Variants in ADCY6 observed in about 807,000 individuals in gnomAD.
The protein encoded by ADCY6 is adenylate cyclase type 6.
ADCY6 carries 59 observed loss-of-function variants against 111.6 expected under a neutral mutation model. The observed-to-expected ratio is 0.53, with a 90% CI of 0.43 to 0.66. The LOEUF (loss-of-function observed/expected upper bound fraction) is 0.66. Among genes scored for constraint, ADCY6 ranks in the 30% least tolerant of loss-of-function variants. ADCY6 has a pLI of 0.00. For missense variants in ADCY6, 1,242 were observed against 1,595.6 expected (o/e 0.78, Z 3.78); for synonymous variants, 576 against 642.9 (o/e 0.90, Z 1.57).
chr12:48,783,181 C>T lies in ADCY6; in HGVS notation c.254G>A (p.Arg85Gln). The change falls in exon 2 of 22, where the codon CGG becomes CAG. Residue 85 changes from arginine (R) to glutamine (Q), a missense_variant. This residue lies in a region of ADCY6 where 362 missense variants were observed against 377.2 expected (regional missense o/e 0.96). Coordinates refer to ENST00000357869, the MANE Select transcript of ADCY6 (RefSeq NM_015270.5). ...ATCCTCGAAGCCCAGGGCCACTGCC[C>T]GCAGCCCCAGCTCCTTGCCCTTGCC... ...GPGKGKELGL[R>Q]AVALGFEDTE... 2 of 1,606,884 alleles carry T rather than the reference C, an allele frequency of 1.2e-6. No individual in the cohort carries two copies. Among genetic ancestry groups the T allele is most frequent in the South Asian group, 2.2e-5 (2 of 91,060 alleles).
chr12:48,768,868 A>G, intron 21 of ADCY6, 69 bp downstream of exon 21: 1 of 1,558,058 alleles, frequency 6.4e-7, no homozygotes, highest in East Asian at 2.3e-5. Flanking sequence ...GTCCTAGCAG[A>G]CTGCAGAGAC....
chr12:48,782,688 G>C lies in ADCY6; in HGVS notation c.747C>G (p.Ala249=). The change falls in exon 2 of 22, where the codon GCC becomes GCG. Residue 249 remains alanine (A), a synonymous_variant. Coordinates refer to ENST00000357869, the MANE Select transcript of ADCY6 (RefSeq NM_015270.5). This position sits in a 1 kb window ranked among gnomAD's most constrained non-coding sequence, Gnocchi z 4.3. ...LWCPVFFVYI[A]YTLLPIRMRA... ...GCATGCGGATGGGGAGGAGCGTGTA[G>C]GCGATGTAGACAAAGAACACAGGGC... 1 of 1,592,570 alleles carries C rather than the reference G, an allele frequency of 6.3e-7. No individual in the cohort carries two copies. Among genetic ancestry groups the C allele is most frequent in the Non-Finnish European group, 8.6e-7 (1 of 1,168,640 alleles).
intron 1 of ADCY6, chr12:48,784,081 C>CAAA: frequency 7.4e-6 from 1 of 135,640 alleles, no homozygotes; most frequent in Non-Finnish European, 1.6e-5. Flanking sequence ...GACTCCGTCT[C>CAAA]AAAAAAAAAA....
intron 1 of ADCY6, among the ~76,000 whole-genome samples, chr12:48,784,674 T>G (rs1006926497): frequency 6.5e-5 from 9 of 138,094 alleles, no homozygotes; most frequent in Non-Finnish European, 1.3e-4. Context: ...AGTTTTTTTT[T>G]TTTTTTTTTT....
Position 48,777,540 on chromosome 12 carries a change from G to C in ADCY6, c.1137-19C>G, listed in dbSNP as rs771001791. 6.2e-7 allele frequency: 1 copy of C among 1,614,124 alleles called. No homozygotes were observed. Among genetic ancestry groups the C allele is most frequent in the South Asian group, 1.1e-5 (1 of 91,082 alleles). The stretch of plus-strand genomic sequence containing the variant: ...CAGGATGCTGTAGATGACAGCAGAG[G>C]ATGAACAGAACACATAGCCCTCAAA... On this transcript the variant is annotated intron_variant, in intron 4 of 21. Transcript: ENST00000357869. The surrounding 1 kb of genome is among the most constrained non-coding windows in gnomAD (Gnocchi z 4.9).
chr12:48,772,250 C>G, intron 18 of ADCY6, 45 bp downstream of exon 18: 2 of 1,572,384 alleles, frequency 1.3e-6, no homozygotes, highest in South Asian at 2.4e-5. Context: ...GGCCCAGGCT[C>G]CGCCCCTAGG....
At chr12:48,770,648 G>A in intron 20 of ADCY6, 118 bp downstream of exon 20, 1 of 1,004,344 alleles carries the variant, frequency 1.0e-6, no homozygotes, top group South Asian at 1.5e-5. Flanking sequence ...GAGGTCAGAG[G>A]GAAGAAAACC....
intron 9 of ADCY6, 42 bp from the exon 10 acceptor site, chr12:48,775,740 C>T: frequency 6.2e-7 from 1 of 1,600,354 alleles, no homozygotes; most frequent in East Asian, 2.2e-5. Context: ...GAAGGGCCAA[C>T]AACCTTCATC....
chr12:48,773,359 GTGTTGTGGC>G, intron 16 of ADCY6, 101 bp downstream of exon 16: 2 of 1,233,150 alleles, frequency 1.6e-6, no homozygotes, highest in Non-Finnish European at 2.3e-6. Flanking sequence ...CCCCACAGGG[GTGTTGTGGC>G]ATTCCAAGGC....
rs1220166804 is a variant in ADCY6 at position 48,786,653 on chromosome 12, ATGCC to A, written c.-5+2249_-5+2252del. Among the ~76,000 whole-genome samples, 5 of 152,210 alleles carry A rather than the reference ATGCC, an allele frequency of 3.3e-5. No homozygotes were observed. The South Asian group carries it at 8.3e-4, about 25-fold the overall frequency. On this transcript the variant is annotated intron_variant, in intron 1 of 21. Coordinates refer to ENST00000357869, the MANE Select transcript of ADCY6 (RefSeq NM_015270.5). Reference sequence around the variant, plus strand: ...GCTGGGAGTATAGGCATGAGCCACCATGCCTGGCCCCTTCAACCTCTTAACATCA... The same window carrying A: ...GCTGGGAGTATAGGCATGAGCCACCATGGCCCCTTCAACCTCTTAACATCA...
intron 1 of ADCY6, among the ~76,000 whole-genome samples, chr12:48,786,723 C>G (rs1941985285): frequency 1.3e-5 from 2 of 152,174 alleles, no homozygotes; most frequent in Admixed American, 6.5e-5. Context: ...GAATACAAGA[C>G]TTTTGGTCAG....
intron 16 of ADCY6, among the ~76,000 whole-genome samples, chr12:48,773,213 G>C (rs943446224): frequency 2.6e-5 from 4 of 152,178 alleles, no homozygotes; most frequent in Non-Finnish European, 5.9e-5. Context: ...GGATGTGAAA[G>C]CACCATGCAA....
intron 16 of ADCY6, 58 bp from the exon 17 acceptor site, chr12:48,772,601 A>T: frequency 6.3e-7 from 1 of 1,599,356 alleles, no homozygotes; most frequent in Non-Finnish European, 8.6e-7. Flanking sequence ...CTGGGTGGGC[A>T]CATGGAAGGG....
At position 48,773,450 on chromosome 12, in the gene ADCY6, G is replaced by A. The variant is rs185890567; in HGVS notation, c.2621+19C>T. ...GAGGGAAGCTCCTGGGGTATTAAAG[G>A]ACCTGAGAATAAACTCACAAGCCAT... On this transcript the variant is annotated intron_variant, in intron 16 of 21. Coordinates refer to ENST00000357869, the MANE Select transcript of ADCY6 (RefSeq NM_015270.5). 7.7e-3 allele frequency: 12,451 copies of A among 1,611,454 alleles called. 69 individuals carry two copies. Among genetic ancestry groups the A allele is most frequent in the Non-Finnish European group, 9.1e-3 (10,746 of 1,178,416 alleles).
chr12:48,783,575 T>C (rs1941913163), intron 1 of ADCY6, 137 bp from the exon 2 acceptor site: 4 of 1,491,708 alleles, frequency 2.7e-6, no homozygotes, highest in Non-Finnish European at 2.7e-6. Flanking sequence ...TTCATCCTCA[T>C]AAAATTACTT....
chr12:48,775,578 A>C (rs1301605028), intron 10 of ADCY6, 95 bp downstream of exon 10: 2 of 1,577,286 alleles, frequency 1.3e-6, no homozygotes, highest in Middle Eastern at 1.7e-4. Flanking sequence ...GCTCCCACAC[A>C]ACACTCCTAA....
rs768955120 is a variant in ADCY6 at position 48,770,962 on chromosome 12, G to A, written c.3060C>T (p.Ser1020=). The A allele has an allele frequency of 9.9e-6, 16 of 1,613,880 alleles. No individual in the cohort carries two copies. The East Asian group carries it at 1.1e-4, about 11-fold the overall frequency. Residue 1020 remains serine, a synonymous_variant, in exon 20 of 22, where the codon AGC becomes AGT. Transcript: ENST00000357869. Reference sequence around the variant, plus strand: ...TTTCCAGCTGCCGGAACCGCTCCTCGCTGATAATCTGAACAACACAAGGAG... The same window carrying A: ...TTTCCAGCTGCCGGAACCGCTCCTCACTGATAATCTGAACAACACAAGGAG... ...EIIADFDEII[S]EERFRQLEKI...
At position 48,775,983 on chromosome 12, in the gene ADCY6, A is replaced by G. The variant is rs1941688595; in HGVS notation, c.1786T>C (p.Ser596Pro). Residue 596 changes from serine to proline, a missense_variant, in exon 9 of 22, where the codon TCC becomes CCC. By Grantham distance (74) the Ser-to-Pro change is moderately conservative. Around this residue, in one of 4 missense-constraint regions of ADCY6, gnomAD observed 375 missense variants for 432.5 expected, o/e 0.87. Transcript: ENST00000357869. ...CTCACCATCTGGCGGAAGGCCTTGG[A>G]GTCCTTGGTCCGGGAGAAGGCACGA... ...PDRAFSRTKD[S>P]KAFRQMGIDD... 6.2e-7 allele frequency: 1 copy of G among 1,608,116 alleles called. No homozygotes were observed. Among genetic ancestry groups the G allele is most frequent in the Non-Finnish European group, 8.5e-7 (1 of 1,177,248 alleles).
intron 12 of ADCY6, 42 bp from the exon 13 acceptor site, chr12:48,774,820 G>A (rs373134274): frequency 7.7e-5 from 122 of 1,592,432 alleles, no homozygotes; most frequent in Non-Finnish European, 1.0e-4. Flanking sequence ...AATTCTGGAA[G>A]ATCTGGGCAT....
Sources: allele counts gnomAD v4.1 joint callset (sites outside exome capture counted in the v4.1 genomes callset), GRCh38; gene constraint gnomAD v4.1.1; regional missense constraint gnomAD v4.1.1; non-coding constraint Gnocchi (gnomAD v3.1); transcripts MANE v1.5; gene names NCBI Gene and HGNC (gene_info 2026-07-23, HGNC 2026-07-21).